The following NAV2 variants were observed in gnomAD, a reference collection of about 807,000 sequenced individuals.
NAV2 encodes neuron navigator 2.
Under a neutral mutation model 223.2 loss-of-function variants are expected in NAV2, and 54 were observed. That is an observed-to-expected ratio of 0.24 (90% CI 0.19 to 0.30). The LOEUF (loss-of-function observed/expected upper bound fraction) is 0.30, where lower values mean the gene tolerates loss of function less well. Among genes scored for constraint, NAV2 ranks in the 10% least tolerant of loss-of-function variants. The pLI, the probability that NAV2 is intolerant of heterozygous loss-of-function variation, is 1.00. For missense variants in NAV2, 2,806 were observed against 3,147.5 expected (o/e 0.89, Z 2.60); for synonymous variants, 1,279 against 1,239.3 (o/e 1.03, Z -0.67).
intron 12 of NAV2, among the ~76,000 whole-genome samples, chr11:20,038,149 A>G (rs2056577802): frequency 1.3e-5 from 2 of 152,324 alleles, no homozygotes; most frequent in Admixed American, 1.3e-4. Flanking sequence ...ATTGATAAAC[A>G]ACTCGGATTT....
Position 20,045,232 on chromosome 11 carries a change from C to T in NAV2, c.3464C>T (p.Ser1155Leu). 1 of 1,614,176 alleles carries T rather than the reference C, an allele frequency of 6.2e-7. No individual in the cohort carries two copies. Among genetic ancestry groups the T allele is most frequent in the Non-Finnish European group, 8.5e-7 (1 of 1,180,038 alleles). The change falls in exon 14 of 38, where the codon TCA becomes TTA. Residue 1155 changes from serine to leucine, a missense_variant. Physicochemically the swap from Ser to Leu is moderately radical, Grantham distance 145 (BLOSUM62 -2). Coordinates refer to ENST00000349880, the MANE Select transcript of NAV2 (RefSeq NM_145117.5). Reference protein sequence around the residue: ...RSATLGKIPKSSALVSRSAGR... With the variant: ...RSATLGKIPKLSALVSRSAGR... The stretch of plus-strand genomic sequence containing the variant: ...GCCACACTGGGCAAAATCCCAAAGT[C>T]ATCTGCACTCGTCAGTCGGTCTGCT...
intron 22 of NAV2, among the ~76,000 whole-genome samples, chr11:20,069,215 A>T (rs1017786123): frequency 1.3e-5 from 2 of 152,198 alleles, no homozygotes; most frequent in African/African-American, 4.8e-5. Flanking sequence ...CAGCATTCTA[A>T]CCAAAGAGAA....
intron 1 of NAV2, among the ~76,000 whole-genome samples, chr11:19,564,605 G>A (rs1044544302): frequency 2.0e-5 from 3 of 151,994 alleles, no homozygotes; most frequent in Non-Finnish European, 4.4e-5. Flanking sequence ...CAGACTTAGC[G>A]AGAGGGGCTG....
intron 1 of NAV2, among the ~76,000 whole-genome samples, chr11:19,641,358 C>T (rs970477064): frequency 1.3e-5 from 2 of 152,122 alleles, no homozygotes; most frequent in African/African-American, 4.8e-5. Context: ...ATATCCCTCC[C>T]CCTCCACTGC....
At chr11:20,050,135 C>T (rs975845010) in intron 16 of NAV2, among the ~76,000 whole-genome samples, 1 of 152,168 alleles carries the variant, frequency 6.6e-6, no homozygotes. Context: ...GGAAGGCGAC[C>T]TTAAACCCTG....
chr11:19,779,516 G>A lies in NAV2; in HGVS notation c.268-52968G>A, dbSNP rs190548176. ...TGTTGTGTGTTTTGTGCAGAGCACA[G>A]CCTTGGTGCCTGTGTTCGTTGTGAA... is the stretch of plus-strand genomic sequence containing the variant. On this transcript the variant is annotated intron_variant, in intron 1 of 37. Coordinates refer to ENST00000349880, the MANE Select transcript of NAV2 (RefSeq NM_145117.5). 1.4e-4 allele frequency among the ~76,000 whole-genome samples: 22 copies of A among 152,338 alleles called. 1 individual carries two copies. The highest frequency in any genetic ancestry group is 1.4e-3 in the Admixed American group (22 of 15,310).
chr11:19,770,857 G>C (rs1259066866), intron 1 of NAV2, among the ~76,000 whole-genome samples: 2 of 152,174 alleles, frequency 1.3e-5, no homozygotes, highest in Non-Finnish European at 2.9e-5. Flanking sequence ...TACATATCCA[G>C]ATTCCCAGCA....
rs752116151 is a variant in NAV2 at position 19,933,431 on chromosome 11, A to G, written c.1187A>G (p.Asn396Ser). 6.3e-6 allele frequency: 10 copies of G among 1,589,658 alleles called. No individual in the cohort carries two copies. The highest frequency in any genetic ancestry group is 5.7e-5 in the South Asian group (5 of 88,256). The change falls in exon 7 of 38, where the codon AAC becomes AGC. Residue 396 changes from asparagine (N) to serine (S), a missense_variant. Coordinates refer to ENST00000349880, the MANE Select transcript of NAV2 (RefSeq NM_145117.5). This position sits in a 1 kb window ranked among gnomAD's most constrained non-coding sequence, Gnocchi z 4.3. ...CCTGAAGCCATGAAGCCGGCCCCCA[A>G]CAATCAGAAGTCCATGCTGGAAAAG... ...PTPEAMKPAP[N>S]NQKSMLEKLK...
chr11:20,023,005 T>C (rs2054643582), intron 11 of NAV2: 14 of 1,489,424 alleles, frequency 9.4e-6, no homozygotes, highest in Non-Finnish European at 1.2e-5. Context: ...TGGGATTCCC[T>C]GGCCCAGTGT....
At chr11:19,720,049 A>G (rs918318048) in intron 1 of NAV2, among the ~76,000 whole-genome samples, 1 of 152,200 alleles carries the variant, frequency 6.6e-6, no homozygotes, top group African/African-American at 2.4e-5. Context: ...GGCAGAAGGA[A>G]AGCCCTTTTT....
intron 1 of NAV2, among the ~76,000 whole-genome samples, chr11:19,379,021 G>C (rs907393485): frequency 1.3e-5 from 2 of 152,166 alleles, no homozygotes; most frequent in Non-Finnish European, 2.9e-5. Context: ...AACCTCTCTT[G>C]AATCTCTTCC....
At chr11:19,394,324 T>C (rs1849365785) in intron 1 of NAV2, among the ~76,000 whole-genome samples, 1 of 152,180 alleles carries the variant, frequency 6.6e-6, no homozygotes, top group Non-Finnish European at 1.5e-5. Context: ...GAAAAAATGC[T>C]TTGATTTAAA....
chr11:19,667,058 C>T (rs1302082607), intron 1 of NAV2, among the ~76,000 whole-genome samples: 5 of 152,020 alleles, frequency 3.3e-5, no homozygotes, highest in Non-Finnish European at 5.9e-5. Context: ...CCAGACTAGA[C>T]CCAGCCCCTC....
chr11:20,079,558 G>T (rs189185363), intron 24 of NAV2, among the ~76,000 whole-genome samples: 136 of 152,312 alleles, frequency 8.9e-4, no homozygotes, highest in African/African-American at 3.1e-3. Flanking sequence ...AGTGATAATA[G>T]CTTTGAAATG....
chr11:20,093,634 G>T (rs1215708556), intron 29 of NAV2, among the ~76,000 whole-genome samples: 1 of 152,190 alleles, frequency 6.6e-6, no homozygotes, highest in East Asian at 1.9e-4. Context: ...ACACATCTTG[G>T]TAGACATCAA....
At chr11:19,814,620 A>G (rs899134614) in intron 1 of NAV2, among the ~76,000 whole-genome samples, 4 of 151,446 alleles carry the variant, frequency 2.6e-5, no homozygotes, top group African/African-American at 9.7e-5. Context: ...TACAATCAGA[A>G]TGGCCACTTT....
At chr11:19,624,998 T>G (rs927560986) in intron 1 of NAV2, among the ~76,000 whole-genome samples, 3 of 152,236 alleles carry the variant, frequency 2.0e-5, no homozygotes, top group African/African-American at 7.2e-5. Context: ...ATACATATAA[T>G]GTATAGTGAT....
At chr11:19,882,502 CTCT>C (rs1321598093) in intron 5 of NAV2, among the ~76,000 whole-genome samples, 2 of 152,232 alleles carry the variant, frequency 1.3e-5, no homozygotes, top group Admixed American at 1.3e-4. Flanking sequence ...GGCCACGTCA[CTCT>C]TCTTATTTTA....
intron 1 of NAV2, among the ~76,000 whole-genome samples, chr11:19,831,266 T>C (rs1426775390): frequency 3.2e-5 from 4 of 125,642 alleles, no homozygotes; most frequent in African/African-American, 9.4e-5. Context: ...GGGATGACCA[T>C]TGTGTGGGAT....
Sources: allele counts gnomAD v4.1 joint callset (sites outside exome capture counted in the v4.1 genomes callset), GRCh38; gene constraint gnomAD v4.1.1; non-coding constraint Gnocchi (gnomAD v3.1); transcripts MANE v1.5; gene names NCBI Gene and HGNC (gene_info 2026-07-23, HGNC 2026-07-21).